The following CCSER2 variants were observed in gnomAD, a reference collection of about 807,000 sequenced individuals.
The protein encoded by CCSER2 is coiled-coil serine rich protein 2, also known as serine-rich coiled-coil domain-containing protein 2.
CCSER2 carries 46 observed loss-of-function variants against 92.3 expected under a neutral mutation model. The ratio of observed to expected loss-of-function variants is 0.50; its 90% confidence interval spans 0.39 to 0.64. CCSER2 has a LOEUF of 0.64. CCSER2 is among the 30% of genes least tolerant of loss of function. The probability of loss-of-function intolerance (pLI) is 0.00; values close to 1 mark genes in which losing one functional copy is unlikely to be tolerated. For synonymous variants in CCSER2, 433 were observed against 431.4 expected, an observed-to-expected ratio of 1.00 and a Z score of -0.04; for missense variants, 1,244 against 1,238.9, an observed-to-expected ratio of 1.00 and a Z score of -0.06.
At chr10:84,452,714 G>A (rs541746216) in intron 6 of CCSER2, among the ~76,000 whole-genome samples, 3 of 152,290 alleles carry the variant, frequency 2.0e-5, no homozygotes, top group African/African-American at 7.2e-5. Context: ...CCCAGCACTG[G>A]TCAATAAATG....
chr10:84,455,800 C>A, intron 6 of CCSER2: 1 of 1,066,734 alleles, frequency 9.4e-7, no homozygotes. Flanking sequence ...TTTTCACAGA[C>A]TTATCTGACT....
At chr10:84,436,239 T>A (rs1049183018) in intron 5 of CCSER2, among the ~76,000 whole-genome samples, 3 of 138,102 alleles carry the variant, frequency 2.2e-5, no homozygotes, top group Non-Finnish European at 4.6e-5. Flanking sequence ...GGCAGGAGAA[T>A]GGCGTGAACC....
chr10:84,484,489 A>ATG (rs201586953), intron 9 of CCSER2, among the ~76,000 whole-genome samples: 123 of 116,840 alleles, frequency 1.1e-3, no homozygotes, highest in African/African-American at 4.6e-3. Flanking sequence ...GTGTGCATGC[A>ATG]CGTGTGTGTG....
At chr10:84,355,777 T>C (rs1845134148) in intron 1 of CCSER2, among the ~76,000 whole-genome samples, 1 of 152,226 alleles carries the variant, frequency 6.6e-6, no homozygotes, top group Non-Finnish European at 1.5e-5. Context: ...CCTTCTTTAT[T>C]TTTCAGGATC....
chr10:84,463,432 C>T (rs1846218027), intron 6 of CCSER2, among the ~76,000 whole-genome samples: 1 of 152,152 alleles, frequency 6.6e-6, no homozygotes. Flanking sequence ...TTTGCCTTTT[C>T]TCAGACTTCA....
chr10:84,508,572 T>A (rs1301722648), intron 9 of CCSER2, among the ~76,000 whole-genome samples: 1 of 152,178 alleles, frequency 6.6e-6, no homozygotes. Flanking sequence ...TTGTACTACC[T>A]CCTTTGTAGA....
intron 1 of CCSER2, among the ~76,000 whole-genome samples, chr10:84,368,145 C>G (rs1845878501): frequency 6.6e-6 from 1 of 152,050 alleles, no homozygotes. Flanking sequence ...GATATTTTTC[C>G]TCAACTTTTG....
chr10:84,421,063 A>C (rs1843124967), intron 4 of CCSER2, among the ~76,000 whole-genome samples: 4 of 152,268 alleles, frequency 2.6e-5, no homozygotes, highest in African/African-American at 9.6e-5. Context: ...TTTGGATACA[A>C]GTTTGCTGTG....
chr10:84,457,391 T>G (rs1405905106), intron 6 of CCSER2, among the ~76,000 whole-genome samples: 5 of 93,924 alleles, frequency 5.3e-5, no homozygotes, highest in Middle Eastern at 5.4e-3. Flanking sequence ...AAATATATAT[T>G]TATTTAAATA....
intron 1 of CCSER2, among the ~76,000 whole-genome samples, chr10:84,364,681 A>C (rs1254890602): frequency 6.6e-6 from 1 of 152,230 alleles, no homozygotes; most frequent in Middle Eastern, 3.4e-3. Context: ...ATTTCTTTTA[A>C]AAGCGAGAAG....
intron 1 of CCSER2, among the ~76,000 whole-genome samples, chr10:84,352,693 A>G (rs1353411677): frequency 6.6e-6 from 1 of 152,092 alleles, no homozygotes; most frequent in Non-Finnish European, 1.5e-5. Context: ...GAACTTGGAC[A>G]AATTACTTAA....
At chr10:84,474,108 C>T (rs186084572) in intron 8 of CCSER2, among the ~76,000 whole-genome samples, 1 of 152,296 alleles carries the variant, frequency 6.6e-6, no homozygotes, top group Non-Finnish European at 1.5e-5. Context: ...TTTATCTTTA[C>T]TACAATACCA....
At chr10:84,503,744 A>G (rs1848895006) in intron 9 of CCSER2, among the ~76,000 whole-genome samples, 1 of 152,172 alleles carries the variant, frequency 6.6e-6, no homozygotes, top group African/African-American at 2.4e-5. Flanking sequence ...ATTTATTTTT[A>G]CCTTCCATGT....
In CCSER2 at chr10:84,518,350, G is replaced by C. The variant is rs1174444168; in HGVS notation, c.*4083G>C. Reference sequence around the variant, plus strand: ...AGGTCTCTAAGTCATTACTAACAAAGAGCAAAAATAATATCTGCAGTATTG... The same window carrying C: ...AGGTCTCTAAGTCATTACTAACAAACAGCAAAAATAATATCTGCAGTATTG... On this transcript the variant is annotated 3_prime_UTR_variant, in exon 10 of 10. Coordinates refer to ENST00000372088, the MANE Select transcript of CCSER2 (RefSeq NM_001284240.2). The C allele has an allele frequency of 6.6e-6, 1 of 152,514 alleles. No individual in the cohort carries two copies. Among genetic ancestry groups the C allele is most frequent in the African/African-American group, 2.4e-5 (1 of 41,406 alleles). The allele number at this position is 152,514 out of a possible 1,614,324, so 9.4% of individuals were successfully genotyped here.
At chr10:84,507,872 G>A (rs908814021) in intron 9 of CCSER2, among the ~76,000 whole-genome samples, 2 of 152,162 alleles carry the variant, frequency 1.3e-5, no homozygotes, top group Non-Finnish European at 2.9e-5. Context: ...CCACACTGTG[G>A]CTTGAGTTTA....
At chr10:84,380,861 A>AT (rs1589495042) in intron 3 of CCSER2, among the ~76,000 whole-genome samples, 1 of 151,720 alleles carries the variant, frequency 6.6e-6, no homozygotes, top group Non-Finnish European at 1.5e-5. Flanking sequence ...CGCCAGGCTA[A>AT]TTTTTTTGTA....
At chr10:84,474,630 T>C (rs1306240690) in intron 8 of CCSER2, among the ~76,000 whole-genome samples, 1 of 126,396 alleles carries the variant, frequency 7.9e-6, no homozygotes, top group Non-Finnish European at 1.5e-5. Context: ...GCCACTGCAC[T>C]CCAGCCTGGG....
At chr10:84,411,425 A>G (rs1315397099) in intron 3 of CCSER2, among the ~76,000 whole-genome samples, 3 of 152,134 alleles carry the variant, frequency 2.0e-5, no homozygotes, top group African/African-American at 7.2e-5. Flanking sequence ...GATTTTACCA[A>G]CCATCCATGA....
chr10:84,389,275 A>C (rs1841393491), intron 3 of CCSER2: 2 of 511,244 alleles, frequency 3.9e-6, no homozygotes, highest in African/African-American at 3.9e-5. Context: ...GGATCTCTTT[A>C]ATCGTTCCAG....
Sources: gnomAD v4.1 joint callset for allele counts (sites outside exome capture counted in the v4.1 genomes callset) on GRCh38, gnomAD v4.1.1 for gene constraint, MANE v1.5 for transcripts, NCBI Gene and HGNC (gene_info 2026-07-23, HGNC 2026-07-21) for gene names.